The following VPS13B variants were observed in gnomAD, a reference collection of about 807,000 sequenced individuals.
The protein encoded by VPS13B is intermembrane lipid transfer protein VPS13B.
VPS13B carries 285 observed loss-of-function variants against 426.4 expected under a neutral mutation model. The observed-to-expected ratio is 0.67, with a 90% confidence interval of 0.61 to 0.74. VPS13B has a LOEUF of 0.74. VPS13B is among the 30% of genes least tolerant of loss of function. The pLI is 0.00. For synonymous variants in VPS13B, 1,676 were observed against 1,676.4 expected (o/e 1.00, Z 0.01); for missense variants, 4,537 against 4,782.6 (o/e 0.95, Z 1.51).
intron 17 of VPS13B, among the ~76,000 whole-genome samples, chr8:99,264,312 T>A (rs1165653296): frequency 6.6e-6 from 1 of 152,056 alleles, no homozygotes; most frequent in African/African-American, 2.4e-5. Flanking sequence ...TGGGATTTCC[T>A]TTTCTCCGGT....
At chr8:99,235,935 T>C (rs1816619627) in intron 17 of VPS13B, among the ~76,000 whole-genome samples, 1 of 152,234 alleles carries the variant, frequency 6.6e-6, no homozygotes, top group Non-Finnish European at 1.5e-5. Flanking sequence ...GAAAATAGAA[T>C]AGTGTCTACT....
intron 19 of VPS13B, among the ~76,000 whole-genome samples, chr8:99,290,979 C>G (rs1819704690): frequency 6.6e-6 from 1 of 151,984 alleles, no homozygotes; most frequent in East Asian, 1.9e-4. Context: ...GGACTGAGTG[C>G]CAAAGGAAAT....
chr8:99,454,050 A>G (rs1238852097), intron 23 of VPS13B, among the ~76,000 whole-genome samples: 1 of 152,080 alleles, frequency 6.6e-6, no homozygotes, highest in Non-Finnish European at 1.5e-5. Context: ...AAACACTGAT[A>G]TTTTCCCTGT....
intron 39 of VPS13B, among the ~76,000 whole-genome samples, chr8:99,725,905 A>T (rs535144994): frequency 6.6e-6 from 1 of 152,288 alleles, no homozygotes; most frequent in Admixed American, 6.5e-5. Context: ...AAATACAGAG[A>T]TATATTAATC....
At chr8:99,573,670 G>A (rs529295843) in intron 31 of VPS13B, among the ~76,000 whole-genome samples, 1 of 152,152 alleles carries the variant, frequency 6.6e-6, no homozygotes, top group South Asian at 2.1e-4. Context: ...TCTCTGTTTT[G>A]GTACCAGTAC....
At chr8:99,287,296 G>A (rs533851666) in intron 19 of VPS13B, among the ~76,000 whole-genome samples, 38 of 150,172 alleles carry the variant, frequency 2.5e-4, no homozygotes, top group African/African-American at 7.6e-4. Context: ...CTCTCCCTCC[G>A]TACTGTATAG....
chr8:99,461,753 A>G (rs1818843293), intron 23 of VPS13B, among the ~76,000 whole-genome samples: 1 of 152,140 alleles, frequency 6.6e-6, no homozygotes, highest in African/African-American at 2.4e-5. Flanking sequence ...TTTTTCAGAA[A>G]GGCCTTACTG....
chr8:99,017,819 T>G (rs191615538), intron 2 of VPS13B, among the ~76,000 whole-genome samples: 18 of 152,310 alleles, frequency 1.2e-4, no homozygotes, highest in Admixed American at 6.5e-4. Context: ...TTTCAACTTA[T>G]AACTTTTAGA....
intron 7 of VPS13B, among the ~76,000 whole-genome samples, chr8:99,118,712 G>A (rs1166330396): frequency 1.3e-5 from 2 of 152,126 alleles, no homozygotes; most frequent in African/African-American, 4.8e-5. Context: ...GTTGCATGTA[G>A]CAGTCGTTCT....
rs750969500 is a variant in VPS13B at position 99,134,741 on chromosome 8, A to G, written c.1302+14A>G. 1.0e-5 allele frequency: 16 copies of G among 1,568,880 alleles called. No homozygotes were observed. In the Admixed American group the frequency reaches 1.2e-4, roughly 12 times the overall value. Reference sequence around the variant, plus strand: ...ACTACAGTTGAGGTAATCTTTCAATATTGAACCTGTATTTTTAAATATTTT... The same window carrying G: ...ACTACAGTTGAGGTAATCTTTCAATGTTGAACCTGTATTTTTAAATATTTT... On this transcript the variant is annotated intron_variant, in intron 9 of 61. Coordinates refer to ENST00000357162, the MANE Select transcript of VPS13B (RefSeq NM_152564.5).
intron 22 of VPS13B, among the ~76,000 whole-genome samples, chr8:99,435,529 A>G (rs923040420): frequency 6.6e-6 from 1 of 152,214 alleles, no homozygotes; most frequent in Non-Finnish European, 1.5e-5. Context: ...TCCACAATGT[A>G]GGATATACTG....
At chr8:99,209,355 T>C (rs1814929592) in intron 17 of VPS13B, among the ~76,000 whole-genome samples, 1 of 151,964 alleles carries the variant, frequency 6.6e-6, no homozygotes, top group East Asian at 1.9e-4. Context: ...TTTTTACTTA[T>C]TATGGCAAAT....
intron 36 of VPS13B, among the ~76,000 whole-genome samples, chr8:99,709,666 G>A (rs1029889389): frequency 2.0e-5 from 3 of 152,168 alleles, no homozygotes; most frequent in African/African-American, 7.2e-5. Context: ...GAAAAAATCA[G>A]CAGGAAAGCA....
chr8:99,743,450 T>C (rs1211721368), intron 39 of VPS13B, among the ~76,000 whole-genome samples: 1 of 151,996 alleles, frequency 6.6e-6, no homozygotes, highest in Admixed American at 6.6e-5. Context: ...AATGACTTTC[T>C]TCACAGAATT....
chr8:99,159,051 A>G (rs1007723062), intron 15 of VPS13B, among the ~76,000 whole-genome samples: 5 of 152,250 alleles, frequency 3.3e-5, no homozygotes, highest in African/African-American at 1.2e-4. Context: ...AAGGAGGTCA[A>G]TCTATTTACA....
At chr8:99,784,187 A>G (rs1388960984) in intron 42 of VPS13B, 128 bp from the exon 43 acceptor site, 1 of 1,153,192 alleles carries the variant, frequency 8.7e-7, no homozygotes, top group Non-Finnish European at 1.3e-6. Flanking sequence ...AATACTTTGT[A>G]TACCAGAGCT....
chr8:99,611,511 T>A (rs984702255), intron 33 of VPS13B, among the ~76,000 whole-genome samples: 2 of 151,982 alleles, frequency 1.3e-5, no homozygotes, highest in Non-Finnish European at 2.9e-5. Flanking sequence ...AATTCTCAAA[T>A]AGCTAAATGA....
chr8:99,353,720 A>G (rs1812027589), intron 19 of VPS13B, among the ~76,000 whole-genome samples: 1 of 151,988 alleles, frequency 6.6e-6, no homozygotes, highest in Non-Finnish European at 1.5e-5. Context: ...CATTTATTTG[A>G]CCTTAAGTTT....
chr8:99,556,660 A>G lies in VPS13B; in HGVS notation c.4949+7A>G, dbSNP rs764396650. ...AGTGGAATATGGCCAGCAGGTAGGA[A>G]ATGATTGAGAAACTTTCTACTCTTT... On this transcript the variant is annotated splice_region_variant and intron_variant, in intron 31 of 61. Transcript: ENST00000357162. 6.2e-7 allele frequency: 1 copy of G among 1,612,006 alleles called. No homozygotes were observed.
Sources: gnomAD v4.1 joint callset for allele counts (sites outside exome capture counted in the v4.1 genomes callset) on GRCh38, gnomAD v4.1.1 for gene constraint, MANE v1.5 for transcripts, NCBI Gene and HGNC (gene_info 2026-07-23, HGNC 2026-07-21) for gene names.